Variants in HCN1 observed in about 807,000 individuals in gnomAD.
HCN1 encodes hyperpolarization activated cyclic nucleotide gated potassium channel 1.
Under a neutral mutation model 78.9 loss-of-function variants are expected in HCN1, and 13 were observed. The observed-to-expected ratio is 0.16, with a 90% CI of 0.11 to 0.26. The LOEUF is 0.26. Ranked by LOEUF, HCN1 falls within the 10% of genes least tolerant of loss-of-function variation. HCN1 has a pLI of 1.00. For missense variants in HCN1, 810 were observed against 1,154.3 expected (o/e 0.70, Z 4.32); for synonymous variants, 552 against 455.5 (o/e 1.21, Z -2.70).
chr5:45,609,979 T>C (rs567640089), intron 2 of HCN1, among the ~76,000 whole-genome samples: 8 of 152,074 alleles, frequency 5.3e-5, no homozygotes, highest in South Asian at 2.1e-4. Flanking sequence ...CCAGGATAAA[T>C]TGAGGTCAGA....
intron 5 of HCN1, among the ~76,000 whole-genome samples, chr5:45,305,607 CA>C (rs1249359914): frequency 1.3e-5 from 2 of 151,042 alleles, no homozygotes; most frequent in Admixed American, 1.3e-4. Context: ...TAACAATGTT[CA>C]GCAAGTAGTA....
At chr5:45,597,230 C>A (rs1397060465) in intron 2 of HCN1, among the ~76,000 whole-genome samples, 1 of 152,140 alleles carries the variant, frequency 6.6e-6, no homozygotes, top group Non-Finnish European at 1.5e-5. Flanking sequence ...ACGATCAAGT[C>A]AACTTCATCC....
chr5:45,363,599 C>G (rs1418151144), intron 4 of HCN1, among the ~76,000 whole-genome samples: 1 of 151,948 alleles, frequency 6.6e-6, no homozygotes, highest in East Asian at 1.9e-4. Flanking sequence ...TTGGCTGTGT[C>G]CACATTCAAA....
rs1745379215 is a variant in HCN1, at chr5:45,637,625, AC to A, written c.849+7559del. ...TGTGTCTGAGAGATTAGTTAATTCT[AC>A]CTGAAAGAAGCAATGCGTAAATAAA... On this transcript the variant is annotated intron_variant, in intron 2 of 7. Transcript: ENST00000303230. Among the ~76,000 whole-genome samples, 3 of 151,544 alleles carry A rather than the reference AC, an allele frequency of 2.0e-5. No individual in the cohort carries two copies. In the South Asian group the frequency reaches 6.3e-4, roughly 32 times the overall value.
rs138145520 is a variant in HCN1, at chr5:45,630,904, T to C, written c.849+14281A>G. 2.4e-4 allele frequency among the ~76,000 whole-genome samples: 36 copies of C among 152,314 alleles called. No individual in the cohort carries two copies. The East Asian group carries it at 6.2e-3, about 26-fold the overall frequency. On this transcript the variant is annotated intron_variant, in intron 2 of 7. Coordinates refer to ENST00000303230, the MANE Select transcript of HCN1 (RefSeq NM_021072.4). Reference sequence around the variant, plus strand: ...TTAATTTTTGTGTATTGTTGTAATGTATATGCATAGCATATGAGTCCAATA... The same window carrying C: ...TTAATTTTTGTGTATTGTTGTAATGCATATGCATAGCATATGAGTCCAATA...
chr5:45,454,479 TTAAAAAAAAA>T (rs918278256), intron 3 of HCN1, among the ~76,000 whole-genome samples: 268 of 150,320 alleles, frequency 1.8e-3, no homozygotes, highest in South Asian at 5.2e-3. Context: ...TTGTTAGGTC[TTAAAAAAAAA>T]TAAAAAAAAA....
chr5:45,397,747 T>G (rs1236421387), intron 3 of HCN1, among the ~76,000 whole-genome samples: 4 of 151,612 alleles, frequency 2.6e-5, no homozygotes, highest in Admixed American at 6.6e-5. Flanking sequence ...TTACAAATTT[T>G]AAAAATCAAT....
intron 5 of HCN1, among the ~76,000 whole-genome samples, chr5:45,331,865 T>G (rs1746351473): frequency 6.6e-6 from 1 of 151,468 alleles, no homozygotes; most frequent in African/African-American, 2.4e-5. Flanking sequence ...AGTAATTCAT[T>G]GAGTTGACAT....
intron 2 of HCN1, among the ~76,000 whole-genome samples, chr5:45,562,509 A>AAAAC (rs760794885): frequency 0.026 from 2,511 of 97,512 alleles, 38 homozygotes; most frequent in African/African-American, 0.091. Flanking sequence ...CCATGTCTAC[A>AAAAC]AAACAAACAA....
chr5:45,416,591 T>C (rs1434490383), intron 3 of HCN1, among the ~76,000 whole-genome samples: 3 of 151,962 alleles, frequency 2.0e-5, no homozygotes, highest in African/African-American at 7.2e-5. Flanking sequence ...TAAGTGCTTA[T>C]AGATTTGGTA....
At chr5:45,283,092 G>T (rs1040874628) in intron 6 of HCN1, among the ~76,000 whole-genome samples, 3 of 152,132 alleles carry the variant, frequency 2.0e-5, no homozygotes, top group African/African-American at 7.2e-5. Flanking sequence ...CATTGCCATG[G>T]ATGAAGATGA....
intron 2 of HCN1, among the ~76,000 whole-genome samples, chr5:45,601,845 A>G (rs1350515375): frequency 2.6e-5 from 4 of 152,232 alleles, no homozygotes; most frequent in African/African-American, 9.6e-5. Context: ...TCATATGTTG[A>G]AGTCCTAATC....
At chr5:45,351,161 C>T (rs1746892503) in intron 5 of HCN1, among the ~76,000 whole-genome samples, 1 of 152,086 alleles carries the variant, frequency 6.6e-6, no homozygotes, top group Non-Finnish European at 1.5e-5. Flanking sequence ...CAGCATGGTA[C>T]TGATACCAAA....
intron 2 of HCN1, among the ~76,000 whole-genome samples, chr5:45,527,463 G>T (rs1742758560): frequency 6.6e-6 from 1 of 150,956 alleles, no homozygotes; most frequent in Admixed American, 6.6e-5. Context: ...AAAAGTCTAT[G>T]AACTAACTTG....
intron 2 of HCN1, among the ~76,000 whole-genome samples, chr5:45,537,475 T>C (rs948533248): frequency 2.0e-5 from 3 of 148,136 alleles, no homozygotes; most frequent in East Asian, 4.0e-4. Context: ...TGCAAAAAGG[T>C]TGGTGTTTTA....
Position 45,490,996 on chromosome 5 carries a change from C to CTTA in HCN1, c.850-28992_850-28990dup, listed in dbSNP as rs1741871229. 2.6e-5 allele frequency among the ~76,000 whole-genome samples: 4 copies of CTTA among 152,092 alleles called. No homozygotes were observed. In the South Asian group the frequency reaches 8.3e-4, roughly 31 times the overall value. On this transcript the variant is annotated intron_variant, in intron 2 of 7. Transcript: ENST00000303230. ...AAAAACTTTCCCTCAAATTGCCCAC[C>CTTA]TTAACCATACATCAGTTTTCCTATC...
chr5:45,295,555 C>G (rs763653768), intron 6 of HCN1, among the ~76,000 whole-genome samples: 7 of 151,998 alleles, frequency 4.6e-5, no homozygotes, highest in Non-Finnish European at 7.4e-5. Context: ...AAAAATTATA[C>G]TGATCTAGAA....
intron 1 of HCN1, among the ~76,000 whole-genome samples, chr5:45,647,687 C>T (rs1745578549): frequency 6.6e-6 from 1 of 152,126 alleles, no homozygotes; most frequent in Non-Finnish European, 1.5e-5. Flanking sequence ...ACACTCATCT[C>T]AAACAGCATG....
In HCN1 at chr5:45,623,164, T is replaced by G. The variant is rs1180673899; in HGVS notation, c.849+22021A>C. 1.3e-5 allele frequency among the ~76,000 whole-genome samples: 2 copies of G among 152,204 alleles called. 1 individual carries two copies. The highest frequency in any genetic ancestry group is 4.8e-5 in the African/African-American group (2 of 41,464). ...TTCATAGCCCAAGAATATATGTGTT[T>G]AATTTTAATGTTTTTAATATCATGT... On this transcript the variant is annotated intron_variant, in intron 2 of 7. Transcript: ENST00000303230.
Sources: allele counts gnomAD v4.1 joint callset (sites outside exome capture counted in the v4.1 genomes callset), GRCh38; gene constraint gnomAD v4.1.1; transcripts MANE v1.5; gene names NCBI Gene and HGNC (gene_info 2026-07-23, HGNC 2026-07-21).